ATP2B3: variants seen among roughly 807,000 people sequenced by gnomAD.
The protein encoded by ATP2B3 is plasma membrane calcium-transporting ATPase 3.
A neutral mutation model predicts 70.8 loss-of-function variants in ATP2B3; 12 were observed. That is an observed-to-expected ratio of 0.17 (90% CI 0.11 to 0.27). The LOEUF (loss-of-function observed/expected upper bound fraction) is 0.27. Ranked by LOEUF, ATP2B3 falls within the 10% of genes least tolerant of loss-of-function variation. The pLI is 1.00. For synonymous variants in ATP2B3, 460 were observed against 497.8 expected, an observed-to-expected ratio of 0.92 and a Z score of 1.01; for missense variants, 858 against 1,118.5, an observed-to-expected ratio of 0.77 and a Z score of 3.32.
chrX:153,580,395 C>T lies in ATP2B3; in HGVS notation c.*97C>T, dbSNP rs2090909718. ...ACACACACATATGGGGACCTGCACA[C>T]CTGCAAAACGAGGGAACAACTAAGG... On this transcript the variant is annotated 3_prime_UTR_variant, in exon 22 of 22. Coordinates refer to ENST00000263519, the MANE Select transcript of ATP2B3 (RefSeq NM_001001344.3). 1 of 884,082 alleles carries T rather than the reference C, an allele frequency of 1.1e-6. No individual in the cohort carries two copies. Among genetic ancestry groups the T allele is most frequent in the Non-Finnish European group, 1.6e-6 (1 of 642,717 alleles). 72.9% of individuals were successfully genotyped at this position (884,082 alleles called of 1,213,427 possible).
chrX:153,556,793 T>C (rs1603091289), intron 15 of ATP2B3, 124 bp from the exon 16 acceptor site: 3 of 659,784 alleles, frequency 4.5e-6, no homozygotes, highest in Non-Finnish European at 7.2e-6. Context: ...ATTGGGACAG[T>C]CAGGACGGGG....
Position 153,558,737 on chromosome X carries a change from G to A in ATP2B3, c.2625+434G>A, listed in dbSNP as rs191415133. On this transcript the variant is annotated intron_variant, in intron 17 of 21. Coordinates refer to ENST00000263519, the MANE Select transcript of ATP2B3 (RefSeq NM_001001344.3). ...CCGTGTTTTCAGGCTCACACACACCGTAGCATAGGGCAGGACTTTCTGCCT... is the reference window on the plus strand; with the variant it reads ...CCGTGTTTTCAGGCTCACACACACCATAGCATAGGGCAGGACTTTCTGCCT... 1.2e-4 allele frequency among the ~76,000 whole-genome samples: 14 copies of A among 112,113 alleles called. No homozygotes were observed. In the East Asian group the frequency reaches 3.9e-3, roughly 31 times the overall value.
In ATP2B3 at chrX:153,582,579, A is replaced by G. The variant is rs990153559; in HGVS notation, c.*2281A>G. On this transcript the variant is annotated 3_prime_UTR_variant, in exon 22 of 22. Transcript: ENST00000263519. ...ATAAAGTTGCCTAATGTAAATGTCT[A>G]TTGTTTAGTCCCTAGGTCACCTTTG... 5.3e-5 allele frequency: 6 copies of G among 112,663 alleles called. No homozygotes were observed. In the East Asian group the frequency reaches 1.7e-3, roughly 31 times the overall value. 9.3% of individuals were successfully genotyped at this position (112,663 alleles called of 1,213,427 possible). A position where few individuals can be genotyped will look rare whatever the true frequency, so the allele number is the denominator to read the frequency against.
At chrX:153,560,959 C>G in intron 19 of ATP2B3, 72 bp downstream of exon 19, 3 of 1,136,327 alleles carry the variant, frequency 2.6e-6, no homozygotes, top group Non-Finnish European at 2.4e-6. Flanking sequence ...CAAGACCCCT[C>G]GTCCACCCCT....
intron 2 of ATP2B3, among the ~76,000 whole-genome samples, chrX:153,531,095 A>G (rs1254059582): frequency 8.9e-6 from 1 of 112,816 alleles, no homozygotes; most frequent in Non-Finnish European, 1.9e-5. Flanking sequence ...AGGGGCGGGC[A>G]GGAAGGAGAG....
chrX:153,547,951 G>C lies in ATP2B3; in HGVS notation c.1075G>C (p.Val359Leu). The change falls in exon 9 of 22, where the codon GTC (valine) becomes CTC (leucine). Residue 359 changes from valine to leucine, a missense_variant. Physicochemically the swap from Val to Leu is conservative, Grantham distance 32. Transcript: ENST00000263519. ...CAACGCACCCAAAAAGGAGAAGTCT[G>C]TCCTTCAGGGGAAGCTCACAAAGCT... is the stretch of plus-strand genomic sequence containing the variant. The part of the protein sequence containing the change: ...KANAPKKEKS[V>L]LQGKLTKLAV... The C allele has an allele frequency of 8.3e-7, 1 of 1,210,928 alleles. No individual in the cohort carries two copies. The highest frequency in any genetic ancestry group is 1.1e-6 in the Non-Finnish European group (1 of 895,003).
intron 5 of ATP2B3, 53 bp from the exon 6 acceptor site, chrX:153,542,270 G>C: frequency 8.3e-7 from 1 of 1,202,435 alleles, no homozygotes; most frequent in African/African-American, 1.7e-5. Context: ...CCTCCCCTGG[G>C]GCAGCCGGGA....
intron 2 of ATP2B3, among the ~76,000 whole-genome samples, chrX:153,533,664 GGCC>G (rs1409846330): frequency 9.0e-6 from 1 of 111,491 alleles, no homozygotes; most frequent in Non-Finnish European, 1.9e-5. Context: ...CAGTGGGGAG[GGCC>G]AGCAGGGCCA....
intron 9 of ATP2B3, 58 bp downstream of exon 9, chrX:153,548,057 G>T: frequency 1.7e-6 from 2 of 1,149,028 alleles, no homozygotes; most frequent in Admixed American, 2.5e-5. Flanking sequence ...AGGATGCTGG[G>T]CTCCTGGAGA....
At chrX:153,560,631 A>T in intron 18 of ATP2B3, 45 bp from the exon 19 acceptor site, 3 of 1,185,447 alleles carry the variant, frequency 2.5e-6, no homozygotes, top group Non-Finnish European at 3.4e-6. Flanking sequence ...GTAATGCGTC[A>T]TGCGCTGAGA....
intron 3 of ATP2B3, among the ~76,000 whole-genome samples, chrX:153,540,427 TC>T (rs1557005832): frequency 5.3e-5 from 6 of 112,370 alleles, no homozygotes; most frequent in South Asian, 7.6e-4. Context: ...ACACCGTTCT[TC>T]TTCTTTGGGT....
chrX:153,538,823 C>G (rs2090234714), intron 3 of ATP2B3, among the ~76,000 whole-genome samples: 1 of 113,118 alleles, frequency 8.8e-6, no homozygotes, highest in African/African-American at 3.2e-5. Flanking sequence ...CGTCGGGACC[C>G]CGAGCCCACA....
intron 2 of ATP2B3, among the ~76,000 whole-genome samples, chrX:153,532,326 A>C (rs1449690784): frequency 8.9e-6 from 1 of 112,715 alleles, no homozygotes; most frequent in Non-Finnish European, 1.9e-5. Context: ...GCCTGGAGGA[A>C]GTCCATGGGG....
chrX:153,559,522 G>A (rs1557015262), intron 17 of ATP2B3: 1 of 427,628 alleles, frequency 2.3e-6, no homozygotes, highest in Non-Finnish European at 4.1e-6. Flanking sequence ...CCTGCTGCCA[G>A]GTGAGAGAAG....
intron 1 of ATP2B3, among the ~76,000 whole-genome samples, 184 bp downstream of exon 1, chrX:153,518,059 C>T (rs1254350315): frequency 1.8e-5 from 2 of 111,129 alleles, no homozygotes; most frequent in African/African-American, 6.5e-5. Flanking sequence ...GGCACTGCGG[C>T]CGCGCGTCAC....
At chrX:153,555,040 GT>G (rs2090514215) in intron 13 of ATP2B3, among the ~76,000 whole-genome samples, 1 of 112,284 alleles carries the variant, frequency 8.9e-6, no homozygotes, top group African/African-American at 3.2e-5. Context: ...AAGGAGAATT[GT>G]CTTCTTGTGG....
At chrX:153,556,707 C>T (rs1380245773) in intron 15 of ATP2B3, among the ~76,000 whole-genome samples, 1 of 112,525 alleles carries the variant, frequency 8.9e-6, no homozygotes, top group Non-Finnish European at 1.9e-5. Flanking sequence ...TCCTCCCACC[C>T]TGGCCCTGTC....
In ATP2B3 at chrX:153,548,697, C is replaced by T. The variant is rs924902616; in HGVS notation, c.1181C>T (p.Thr394Met). 5.8e-6 allele frequency: 7 copies of T among 1,209,485 alleles called. No individual in the cohort carries two copies. Among genetic ancestry groups the T allele is most frequent in the Non-Finnish European group, 3.4e-6 (3 of 895,153 alleles). ...IILVLYFVIE[T>M]FVVEGRTWLA... is the part of the protein sequence containing the mutation. ...CTGGTCCTCTACTTTGTGATTGAGA[C>T]GTTTGTCGTGGAAGGCCGGACATGG... is the stretch of plus-strand genomic sequence containing the variant. Residue 394 changes from threonine to methionine, a missense_variant, in exon 10 of 22, where the codon ACG becomes ATG. Physicochemically the swap from Thr to Met is moderately conservative, Grantham distance 81. This residue lies in a region of ATP2B3 where 278 missense variants were observed against 366.2 expected (regional missense o/e 0.76). Transcript: ENST00000263519.
chrX:153,532,651 G>A (rs1301739822), intron 2 of ATP2B3, among the ~76,000 whole-genome samples: 1 of 112,084 alleles, frequency 8.9e-6, no homozygotes, highest in African/African-American at 3.2e-5. Flanking sequence ...AAGGTGCGAG[G>A]CCCCCTCTGT....
Sources: allele counts gnomAD v4.1 joint callset (sites outside exome capture counted in the v4.1 genomes callset), GRCh38; gene constraint gnomAD v4.1.1; regional missense constraint gnomAD v4.1.1; transcripts MANE v1.5; gene names NCBI Gene and HGNC (gene_info 2026-07-23, HGNC 2026-07-21).